The following KCNQ1 variants were observed in gnomAD, a reference collection of about 807,000 sequenced individuals.
KCNQ1 encodes the protein potassium voltage-gated channel subfamily KQT member 1.
In KCNQ1, 49 loss-of-function variants were observed where a neutral mutation model predicts 72.4. That is an observed-to-expected ratio of 0.68 (90% CI 0.54 to 0.86). The LOEUF is 0.86. Ranked by LOEUF, KCNQ1 falls within the 40% of genes least tolerant of loss-of-function variation. The probability of loss-of-function intolerance (pLI) is 0.00; values close to 1 mark genes in which losing one functional copy is unlikely to be tolerated. For missense variants in KCNQ1, 790 were observed against 945.1 expected (o/e 0.84, Z 2.15); for synonymous variants, 450 against 412.6 (o/e 1.09, Z -1.10).
chr11:2,524,223 G>A (rs12099015), intron 1 of KCNQ1, among the ~76,000 whole-genome samples: 3,111 of 152,216 alleles, frequency 0.02, 100 homozygotes, highest in African/African-American at 0.063. Context: ...CACCCTCACC[G>A]CAGCCCTATC....
rs768594452 is a variant in KCNQ1, at chr11:2,550,105, G to C, written c.478-20523G>C. On this transcript the variant is annotated intron_variant, in intron 2 of 15. Coordinates refer to ENST00000155840, the MANE Select transcript of KCNQ1 (RefSeq NM_000218.3). The surrounding 1 kb of genome is among the most constrained non-coding windows in gnomAD (Gnocchi z 6.0). ...CTGTATGTCTTTGCGGAGCTCAGAT[G>C]AGAGATGCTCAGAGTTGTCTGTAGA... Among the ~76,000 whole-genome samples the C allele has an allele frequency of 4.6e-5, 7 of 152,218 alleles. No individual in the cohort carries two copies. Among genetic ancestry groups the C allele is most frequent in the Non-Finnish European group, 1.0e-4 (7 of 68,018 alleles).
In KCNQ1 at chr11:2,678,146, G is replaced by A; in HGVS notation, c.1514+16065G>A. 1 of 398,044 alleles carries A rather than the reference G, an allele frequency of 2.5e-6. No individual in the cohort carries two copies. 24.7% of individuals were successfully genotyped at this position (398,044 alleles called of 1,614,324 possible). A position where few individuals can be genotyped will look rare whatever the true frequency, so the allele number is the denominator to read the frequency against. ...AATATTTTATCCTCATTTTCCTTAG[G>A]TGTTTTGGCTTTTTCTATAATATTT... On this transcript the variant is annotated intron_variant, in intron 11 of 15. Transcript: ENST00000155840. This position sits in a 1 kb window ranked among gnomAD's most constrained non-coding sequence, Gnocchi z 4.9.
chr11:2,848,245 C>A lies in KCNQ1; in HGVS notation c.*242C>A. 1.5e-6 allele frequency: 1 copy of A among 649,298 alleles called. No homozygotes were observed. The highest frequency in any genetic ancestry group is 1.7e-5 in the South Asian group (1 of 60,162). 40.2% of individuals were successfully genotyped at this position (649,298 alleles called of 1,614,324 possible). A position where few individuals can be genotyped will look rare whatever the true frequency, so the allele number is the denominator to read the frequency against. The stretch of plus-strand genomic sequence containing the variant: ...CAGGTCTGAGTTGTTACCCCAAGCG[C>A]CCTGGCCCCCACATGGTGATGTTGA... On this transcript the variant is annotated 3_prime_UTR_variant, in exon 16 of 16. Transcript: ENST00000155840.
At position 2,816,535 on chromosome 11, in the gene KCNQ1, G is replaced by T. The variant is rs1847617260; in HGVS notation, c.1795-31232G>T. Reference sequence around the variant, plus strand: ...AGTGGTGAAAAGCTGGACTCTGACTGCCTGTCATCCAGAGGGAGCAAACAG... The same window carrying T: ...AGTGGTGAAAAGCTGGACTCTGACTTCCTGTCATCCAGAGGGAGCAAACAG... On this transcript the variant is annotated intron_variant, in intron 15 of 15. Coordinates refer to ENST00000155840, the MANE Select transcript of KCNQ1 (RefSeq NM_000218.3). This position sits in a 1 kb window ranked among gnomAD's most constrained non-coding sequence, Gnocchi z 6.8. 6.6e-6 allele frequency among the ~76,000 whole-genome samples: 1 copy of T among 152,156 alleles called. No individual in the cohort carries two copies. The highest frequency in any genetic ancestry group is 2.1e-4 in the South Asian group (1 of 4,826).
At chr11:2,699,288 A>G (rs2133901672) in intron 11 of KCNQ1, 1 of 398,936 alleles carries the variant, frequency 2.5e-6, no homozygotes, top group South Asian at 1.3e-4. Flanking sequence ...TGCACTGCTG[A>G]CGCCTGTGAT....
At chr11:2,733,820 T>TCTCG (rs1845899837) in intron 11 of KCNQ1, among the ~76,000 whole-genome samples, 1 of 25,124 alleles carries the variant, frequency 4.0e-5, no homozygotes, top group Non-Finnish European at 1.0e-4. Flanking sequence ...ACACACTCTC[T>TCTCG]CACTCTCTCT....
At position 2,827,558 on chromosome 11, in the gene KCNQ1, C is replaced by A. The variant is rs1847863811; in HGVS notation, c.1795-20209C>A. ...CGCACGCCTGAGTCGCTGCAAGGGC[C>A]CCTGGGGACGGAGTCTCTATTCCAG... On this transcript the variant is annotated intron_variant, in intron 15 of 15. Transcript: ENST00000155840. The surrounding 1 kb of genome is among the most constrained non-coding windows in gnomAD (Gnocchi z 6.7). Among the ~76,000 whole-genome samples the A allele has an allele frequency of 6.6e-6, 1 of 151,648 alleles. No homozygotes were observed. Among genetic ancestry groups the A allele is most frequent in the African/African-American group, 2.4e-5 (1 of 41,230 alleles).
Position 2,674,857 on chromosome 11 carries a change from A to G in KCNQ1, c.1514+12776A>G. ...TAAAAAAAAAAAAAAAAAAAAAAAAAAAAGCTCACTGGGCACCTTGGCTGC... is the reference window on the plus strand; with the variant it reads ...TAAAAAAAAAAAAAAAAAAAAAAAAGAAAGCTCACTGGGCACCTTGGCTGC... On this transcript the variant is annotated intron_variant, in intron 11 of 15. Coordinates refer to ENST00000155840, the MANE Select transcript of KCNQ1 (RefSeq NM_000218.3). This position sits in a 1 kb window ranked among gnomAD's most constrained non-coding sequence, Gnocchi z 5.9. 1 of 397,626 alleles carries G rather than the reference A, an allele frequency of 2.5e-6. No individual in the cohort carries two copies. Among genetic ancestry groups the G allele is most frequent in the East Asian group, 3.6e-5 (1 of 28,054 alleles). The allele number at this position is 397,626 out of a possible 1,614,324, so 24.6% of individuals were successfully genotyped here.
rs1372128039 is a variant in KCNQ1 at position 2,763,186 on chromosome 11, T to A, written c.1515-5658T>A. ...TCTTCTTATACATGAACATACTATA[T>A]CCCCAAGTCAAGTTAGGGCTTCTTT... On this transcript the variant is annotated intron_variant, in intron 11 of 15. Coordinates refer to ENST00000155840, the MANE Select transcript of KCNQ1 (RefSeq NM_000218.3). Among the ~76,000 whole-genome samples the A allele has an allele frequency of 3.9e-5, 6 of 152,304 alleles. No individual in the cohort carries two copies. The East Asian group carries it at 1.2e-3, about 29-fold the overall frequency.
intron 10 of KCNQ1, chr11:2,609,749 T>C (rs1403872962): frequency 5.0e-6 from 2 of 398,222 alleles, no homozygotes; most frequent in African/African-American, 2.1e-5. Flanking sequence ...TTCTCATGAA[T>C]TGACATTTTA....
Position 2,617,836 on chromosome 11 carries a change from G to A in KCNQ1, c.1393+28982G>A. The A allele has an allele frequency of 5.0e-6, 2 of 398,382 alleles. No homozygotes were observed. Among genetic ancestry groups the A allele is most frequent in the Non-Finnish European group, 8.9e-6 (2 of 225,966 alleles). The allele number at this position is 398,382 out of a possible 1,614,324, so 24.7% of individuals were successfully genotyped here. On this transcript the variant is annotated intron_variant, in intron 10 of 15. Transcript: ENST00000155840. The surrounding 1 kb of genome is among the most constrained non-coding windows in gnomAD (Gnocchi z 4.6). ...TGTTTGCCATTTTTATAACTTCTTT[G>A]CAAAAATGTCTACTCAGTTCCACTG... is the stretch of plus-strand genomic sequence containing the variant.
chr11:2,550,912 G>A lies in KCNQ1; in HGVS notation c.478-19716G>A, dbSNP rs887272889. ...GGGCACAGACTGAGACAGGGTCCCC[G>A]TGTTCCATCCATGGGGTACAGCTGC... On this transcript the variant is annotated intron_variant, in intron 2 of 15. Coordinates refer to ENST00000155840, the MANE Select transcript of KCNQ1 (RefSeq NM_000218.3). This position sits in a 1 kb window ranked among gnomAD's most constrained non-coding sequence, Gnocchi z 6.0. 6.6e-5 allele frequency among the ~76,000 whole-genome samples: 10 copies of A among 152,092 alleles called. No homozygotes were observed. Among genetic ancestry groups the A allele is most frequent in the South Asian group, 2.1e-4 (1 of 4,824 alleles).
At position 2,608,788 on chromosome 11, in the gene KCNQ1, C is replaced by T. The variant is rs543479276; in HGVS notation, c.1393+19934C>T. On this transcript the variant is annotated intron_variant, in intron 10 of 15. Coordinates refer to ENST00000155840, the MANE Select transcript of KCNQ1 (RefSeq NM_000218.3). This position sits in a 1 kb window ranked among gnomAD's most constrained non-coding sequence, Gnocchi z 4.6. ...ACAGGTGTGAGCCACTGCAGCTAGC[C>T]TCGTTTTTTTGCTTTAATTTGTAAA... The T allele has an allele frequency of 1.5e-5, 6 of 398,566 alleles. No individual in the cohort carries two copies. In the South Asian group the frequency reaches 6.4e-4, roughly 42 times the overall value. 24.7% of individuals were successfully genotyped at this position (398,566 alleles called of 1,614,324 possible). A position where few individuals can be genotyped will look rare whatever the true frequency, so the allele number is the denominator to read the frequency against.
Position 2,791,204 on chromosome 11 carries a change from T to A in KCNQ1, c.1794+13167T>A, listed in dbSNP as rs971096403. Among the ~76,000 whole-genome samples the A allele has an allele frequency of 2.0e-5, 3 of 152,264 alleles. No individual in the cohort carries two copies. The East Asian group carries it at 5.8e-4, about 29-fold the overall frequency. ...CAGCAGGCGGCAGGGGCGTGTCAGG[T>A]GCCCGAGCAGGACGGTGGCCGGAGC... On this transcript the variant is annotated intron_variant, in intron 15 of 15. Coordinates refer to ENST00000155840, the MANE Select transcript of KCNQ1 (RefSeq NM_000218.3).
In KCNQ1 at chr11:2,668,407, A is replaced by AT; in HGVS notation, c.1514+6330dup. The AT allele has an allele frequency of 2.5e-6, 1 of 398,530 alleles. No individual in the cohort carries two copies. The highest frequency in any genetic ancestry group is 3.6e-5 in the East Asian group (1 of 28,072). 24.7% of individuals were successfully genotyped at this position (398,530 alleles called of 1,614,324 possible). On this transcript the variant is annotated intron_variant, in intron 11 of 15. Coordinates refer to ENST00000155840, the MANE Select transcript of KCNQ1 (RefSeq NM_000218.3). This position sits in a 1 kb window ranked among gnomAD's most constrained non-coding sequence, Gnocchi z 4.3. ...GCAGTCTACCAAAGGAGTCATTCCA[A>AT]TTTTCATTCCCACAGGCAGCATTCT...
At chr11:2,697,394 A>G in intron 11 of KCNQ1, 5 of 398,594 alleles carry the variant, frequency 1.3e-5, no homozygotes, top group Non-Finnish European at 2.2e-5. Flanking sequence ...TTTTTCTTGT[A>G]TTAGGGTATG....
chr11:2,779,694 G>T (rs1025100103), intron 15 of KCNQ1, among the ~76,000 whole-genome samples: 5 of 152,208 alleles, frequency 3.3e-5, no homozygotes, highest in Non-Finnish European at 7.3e-5. Flanking sequence ...CATCCTGCGG[G>T]GGTGATGGTG....
chr11:2,618,772 AT>A (rs1223019487), intron 10 of KCNQ1: 41 of 398,424 alleles, frequency 1.0e-4, no homozygotes, highest in Non-Finnish European at 4.4e-6. Context: ...ATTGATTTGG[AT>A]ATTATTGACA....
In KCNQ1 at chr11:2,565,972, A is replaced by G. The variant is rs901032179; in HGVS notation, c.478-4656A>G. Among the ~76,000 whole-genome samples the G allele has an allele frequency of 6.6e-6, 1 of 151,870 alleles. No homozygotes were observed. Among genetic ancestry groups the G allele is most frequent in the Non-Finnish European group, 1.5e-5 (1 of 67,982 alleles). On this transcript the variant is annotated intron_variant, in intron 2 of 15. Coordinates refer to ENST00000155840, the MANE Select transcript of KCNQ1 (RefSeq NM_000218.3). The surrounding 1 kb of genome is among the most constrained non-coding windows in gnomAD (Gnocchi z 5.6). Reference sequence around the variant, plus strand: ...CACCCACACCCTCCCTCCAGGCCAGACCCAGCTCTCCAGCTTCCCGGCTGC... The same window carrying G: ...CACCCACACCCTCCCTCCAGGCCAGGCCCAGCTCTCCAGCTTCCCGGCTGC...
Sources: allele counts gnomAD v4.1 joint callset (sites outside exome capture counted in the v4.1 genomes callset), GRCh38; gene constraint gnomAD v4.1.1; non-coding constraint Gnocchi (gnomAD v3.1); transcripts MANE v1.5; gene names NCBI Gene and HGNC (gene_info 2026-07-23, HGNC 2026-07-21).